The following PAGE2B variants were observed in gnomAD, a reference collection of about 807,000 sequenced individuals.
PAGE2B encodes the protein putative G antigen family E member 3.
In PAGE2B, 5 loss-of-function variants were observed where a neutral mutation model predicts 7.6. That is an observed-to-expected ratio of 0.66 (90% CI 0.34 to 1.38). PAGE2B has a LOEUF of 1.38. Among genes scored for constraint, PAGE2B ranks in the 40% most tolerant of loss-of-function variants. The probability of loss-of-function intolerance (pLI) is 0.04; values close to 1 mark genes in which losing one functional copy is unlikely to be tolerated. For missense variants in PAGE2B, 70 were observed against 78.4 expected (o/e 0.89, Z 0.41); for synonymous variants, 29 against 26.7 (o/e 1.09, Z -0.27).
chrX:55,065,390 A>G, the PAGE2B span, among the ~76,000 whole-genome samples: 115 of 111,317 alleles, frequency 1.0e-3, no homozygotes, highest in African/African-American at 3.6e-3. Context: ...TTTGGTTTCC[A>G]TTGGCATAGA....
At chrX:55,040,045 CT>C in the PAGE2B span, among the ~76,000 whole-genome samples, 1,027 of 99,390 alleles carry the variant, frequency 0.01, 10 homozygotes, top group African/African-American at 0.032. Context: ...TCAATATTTT[CT>C]TTTTTTTTTT....
chrX:55,029,029 A>G, the PAGE2B span, among the ~76,000 whole-genome samples: 1 of 112,087 alleles, frequency 8.9e-6, no homozygotes, highest in Non-Finnish European at 1.9e-5. Flanking sequence ...AATCCATATA[A>G]AGCATTTAGC....
In PAGE2B at chrX:55,076,521, G is replaced by A. The variant is rs1432922371; in HGVS notation, c.85-48G>A. On this transcript the variant is annotated intron_variant, in intron 2 of 4. Transcript: ENST00000374971. ...TGATTCGATGCACATATGCATTTGT[G>A]TATTTATATTATTGACTTTTTATTC... 3.8e-6 allele frequency: 4 copies of A among 1,063,262 alleles called. No homozygotes were observed. In the Middle Eastern group the frequency reaches 7.4e-4, roughly 197 times the overall value. The allele number at this position is 1,063,262 out of a possible 1,213,427, so 87.6% of individuals were successfully genotyped here. A position where few individuals can be genotyped will look rare whatever the true frequency, so the allele number is the denominator to read the frequency against.
At chrX:55,042,320 A>G in the PAGE2B span, among the ~76,000 whole-genome samples, 2 of 111,143 alleles carry the variant, frequency 1.8e-5, no homozygotes, top group African/African-American at 3.3e-5. Context: ...TGCAAAAAAT[A>G]AAATAAAATA....
chrX:55,029,777 A>G, the PAGE2B span, among the ~76,000 whole-genome samples: 1 of 111,845 alleles, frequency 8.9e-6, no homozygotes, highest in African/African-American at 3.3e-5. Context: ...AACCAAAGAG[A>G]TGATGGTGAA....
At chrX:55,034,476 G>A in the PAGE2B span, among the ~76,000 whole-genome samples, 1 of 110,736 alleles carries the variant, frequency 9.0e-6, no homozygotes, top group East Asian at 2.8e-4. Flanking sequence ...ATATCATAGA[G>A]TAATACAGAG....
At chrX:55,053,909 A>T in the PAGE2B span, among the ~76,000 whole-genome samples, 1 of 112,657 alleles carries the variant, frequency 8.9e-6, no homozygotes, top group African/African-American at 3.2e-5. Context: ...AGCTGGCATA[A>T]AAATAAATAA....
At chrX:55,036,285 C>A in the PAGE2B span, among the ~76,000 whole-genome samples, 1 of 110,840 alleles carries the variant, frequency 9.0e-6, no homozygotes, top group Non-Finnish European at 1.9e-5. Context: ...AATTGAATGC[C>A]CTTTATTTCC....
chrX:55,064,313 T>G, the PAGE2B span, among the ~76,000 whole-genome samples: 1 of 111,713 alleles, frequency 9.0e-6, no homozygotes, highest in Admixed American at 9.5e-5. Context: ...TTTCCATTTC[T>G]TCTAGATTTT....
At chrX:55,069,411 C>CT in the PAGE2B span, among the ~76,000 whole-genome samples, 1 of 111,304 alleles carries the variant, frequency 9.0e-6, no homozygotes, top group African/African-American at 3.3e-5. Flanking sequence ...GCTGGATGAG[C>CT]TTTTTGATGT....
the PAGE2B span, among the ~76,000 whole-genome samples, chrX:55,032,555 C>T: frequency 9.0e-6 from 1 of 111,210 alleles, no homozygotes; most frequent in East Asian, 2.8e-4. Context: ...GTCACCAACA[C>T]CTTAGCTATT....
At chrX:55,060,794 T>G in the PAGE2B span, among the ~76,000 whole-genome samples, 6 of 110,351 alleles carry the variant, frequency 5.4e-5, no homozygotes, top group African/African-American at 2.0e-4. Flanking sequence ...TGATCTCTGG[T>G]TTTTTTTGTG....
At chrX:55,045,311 T>A in the PAGE2B span, among the ~76,000 whole-genome samples, 5 of 111,588 alleles carry the variant, frequency 4.5e-5, no homozygotes, top group Non-Finnish European at 9.4e-5. Context: ...CAGGAAGAAC[T>A]GGCTGTTCAG....
the PAGE2B span, among the ~76,000 whole-genome samples, chrX:55,067,451 C>G: frequency 8.9e-6 from 1 of 111,872 alleles, no homozygotes; most frequent in African/African-American, 3.2e-5. Flanking sequence ...TCCAGTCTAT[C>G]ACTGATGGGA....
At chrX:55,066,710 T>C in the PAGE2B span, among the ~76,000 whole-genome samples, 8,643 of 111,269 alleles carry the variant, frequency 0.078, 788 homozygotes, top group African/African-American at 0.26. Context: ...CTTTTAAGAC[T>C]TGTTATTTTT....
upstream of PAGE2B, among the ~76,000 whole-genome samples, chrX:55,071,188 G>A (rs956362885): frequency 1.1e-4 from 12 of 110,906 alleles, no homozygotes; most frequent in Non-Finnish European, 7.5e-5. Flanking sequence ...AGCTGGTACC[G>A]GTTGTTCCTT....
intron 1 of PAGE2B, 50 bp from the exon 2 acceptor site, chrX:55,075,984 A>G (rs918169465): frequency 1.8e-5 from 20 of 1,085,831 alleles, no homozygotes; most frequent in Admixed American, 1.5e-4. Flanking sequence ...GTTCATATAT[A>G]TAGCTAAGTT....
chrX:55,056,586 T>C, the PAGE2B span, among the ~76,000 whole-genome samples: 1 of 110,120 alleles, frequency 9.1e-6, no homozygotes. Context: ...GGTTGGGGAT[T>C]GGAGTGATGG....
Position 55,076,033 on chromosome X carries a change from G to A in PAGE2B, c.-8-1G>A, listed in dbSNP as rs1464656390. ...TCCAAATAACAGTATTCTATTTTCA[G>A]TGGGAAATATGAGTGAGCATGTGAG... On this transcript the variant is annotated splice_acceptor_variant, in intron 1 of 4. Coordinates refer to ENST00000374971, the MANE Select transcript of PAGE2B (RefSeq NM_001015038.3). LOFTEE classifies it low-confidence loss of function (5UTR_SPLICE). 14 of 1,200,051 alleles carry A rather than the reference G, an allele frequency of 1.2e-5. No individual in the cohort carries two copies. The highest frequency in any genetic ancestry group is 6.6e-5 in the Admixed American group (3 of 45,252).
Sources: allele counts gnomAD v4.1 joint callset (sites outside exome capture counted in the v4.1 genomes callset), GRCh38; gene constraint gnomAD v4.1.1; transcripts MANE v1.5; gene names NCBI Gene and HGNC (gene_info 2026-07-23, HGNC 2026-07-21).